Variants in OR3A2 observed in about 807,000 individuals in gnomAD.
OR3A2 encodes olfactory receptor 3A2.
For missense variants in OR3A2, 318 were observed against 392.8 expected (o/e 0.81, Z 1.61); for synonymous variants, 126 against 159.3 (o/e 0.79, Z 1.57).
chr17:3,316,700 C>A (rs9902609), intron 3 of OR3A2, among the ~76,000 whole-genome samples: 22,984 of 152,056 alleles, frequency 0.15, 2,284 homozygotes, highest in African/African-American at 0.28. Flanking sequence ...ATGACAGATT[C>A]GGTGACTTGC....
At chr17:3,308,072 A>T (rs1407714906) in intron 3 of OR3A2, among the ~76,000 whole-genome samples, 2 of 152,220 alleles carry the variant, frequency 1.3e-5, no homozygotes, top group Non-Finnish European at 2.9e-5. Context: ...TTGTTAAATA[A>T]ATGAATGAAT....
chr17:3,364,648 T>C (rs1333153025), intron 2 of OR3A2, among the ~76,000 whole-genome samples: 1 of 152,226 alleles, frequency 6.6e-6, no homozygotes, highest in Non-Finnish European at 1.5e-5. Flanking sequence ...GGAACCCTTG[T>C]ATGCTATTGG....
chr17:3,349,686 T>C (rs1193660731), intron 2 of OR3A2, among the ~76,000 whole-genome samples: 1 of 151,276 alleles, frequency 6.6e-6, no homozygotes, highest in Non-Finnish European at 1.5e-5. Flanking sequence ...GCAGACCTAA[T>C]AGACATCTAC....
chr17:3,367,498 TA>T (rs1249928682), intron 2 of OR3A2, among the ~76,000 whole-genome samples: 1 of 151,624 alleles, frequency 6.6e-6, no homozygotes, highest in Non-Finnish European at 1.5e-5. Flanking sequence ...TCACTTAGAA[TA>T]ATGCTCTCCA....
chr17:3,349,759 C>A (rs954788508), intron 2 of OR3A2, among the ~76,000 whole-genome samples: 16 of 151,298 alleles, frequency 1.1e-4, no homozygotes, highest in Non-Finnish European at 1.8e-4. Flanking sequence ...ACACCTATTC[C>A]AAAATTGACC....
At chr17:3,351,397 CAGAG>C (rs2049418674) in intron 2 of OR3A2, among the ~76,000 whole-genome samples, 1 of 67,590 alleles carries the variant, frequency 1.5e-5, no homozygotes. Flanking sequence ...AACAGACAAA[CAGAG>C]AGCCAAATCA....
chr17:3,326,203 G>C (rs964757440), intron 3 of OR3A2, among the ~76,000 whole-genome samples: 1 of 152,060 alleles, frequency 6.6e-6, no homozygotes, highest in Non-Finnish European at 1.5e-5. Flanking sequence ...ATGGGCATCT[G>C]GGTTGATTCC....
intron 3 of OR3A2, among the ~76,000 whole-genome samples, chr17:3,334,851 G>A (rs1313089537): frequency 1.3e-5 from 2 of 152,104 alleles, no homozygotes; most frequent in Non-Finnish European, 2.9e-5. Flanking sequence ...TTCTAAATAT[G>A]TAGTAAGTTT....
intron 1 of OR3A2, among the ~76,000 whole-genome samples, chr17:3,281,303 G>A (rs996385413): frequency 1.3e-5 from 2 of 148,766 alleles, no homozygotes; most frequent in Admixed American, 1.4e-4. Context: ...GCACGATCTC[G>A]GCTCACTGCA....
At chr17:3,345,135 G>T (rs1011571292) in intron 2 of OR3A2, among the ~76,000 whole-genome samples, 2 of 152,146 alleles carry the variant, frequency 1.3e-5, no homozygotes, top group Non-Finnish European at 2.9e-5. Context: ...AAGGTACCAC[G>T]ATGCTGATGT....
At chr17:3,383,813 T>A (rs1455287693) in exon 2 of OR3A2, 1 of 152,166 alleles carries the variant, frequency 6.6e-6, no homozygotes, top group Non-Finnish European at 1.5e-5. Context: ...CCTTAGGAAG[T>A]TGACAGCAGT....
intron 2 of OR3A2, among the ~76,000 whole-genome samples, chr17:3,362,859 C>T (rs2049529905): frequency 6.6e-6 from 1 of 151,814 alleles, no homozygotes. Flanking sequence ...TGTGCACCCA[C>T]AGGCCCAACA....
chr17:3,277,973 G>A (rs1049424638), exon 2 of OR3A2: 1 of 1,595,878 alleles, frequency 6.3e-7, no homozygotes, highest in Non-Finnish European at 8.6e-7. Context: ...TTACCTCTCA[G>A]GTCAGTGATC....
At chr17:3,303,144 A>G (rs2048977586) in intron 3 of OR3A2, among the ~76,000 whole-genome samples, 1 of 152,178 alleles carries the variant, frequency 6.6e-6, no homozygotes, top group South Asian at 2.1e-4. Context: ...ATGATATTAT[A>G]TGTCTTTCTC....
At chr17:3,380,306 C>T (rs1305334045) in intron 2 of OR3A2, among the ~76,000 whole-genome samples, 3 of 152,200 alleles carry the variant, frequency 2.0e-5, no homozygotes, top group African/African-American at 7.2e-5. Flanking sequence ...ACGTGTGGCA[C>T]GCAGCACAGG....
At chr17:3,317,217 G>A (rs951696056) in intron 3 of OR3A2, among the ~76,000 whole-genome samples, 6 of 150,476 alleles carry the variant, frequency 4.0e-5, no homozygotes, top group Non-Finnish European at 5.9e-5. Flanking sequence ...AGACGTGAAG[G>A]CCTGAGAAGT....
chr17:3,291,888 C>T lies in OR3A2; in HGVS notation c.-84-12735G>A, dbSNP rs368453639. ...GGCTTTCTTCCTGCCCTCTACAGAGCGAATTCGCAGGACTGCAGCTGCCAC... is the reference window on the plus strand; with the variant it reads ...GGCTTTCTTCCTGCCCTCTACAGAGTGAATTCGCAGGACTGCAGCTGCCAC... On this transcript the variant is annotated intron_variant, in intron 3 of 4. Transcript: ENST00000573491. 1.8e-5 allele frequency: 29 copies of T among 1,614,060 alleles called. No homozygotes were observed. Among genetic ancestry groups the T allele is most frequent in the East Asian group, 4.5e-5 (2 of 44,894 alleles).
chr17:3,324,330 T>G (rs980219662), intron 3 of OR3A2, among the ~76,000 whole-genome samples: 2 of 152,094 alleles, frequency 1.3e-5, no homozygotes, highest in African/African-American at 4.8e-5. Flanking sequence ...TGGAGTAATT[T>G]GATCGTCTGA....
Position 3,371,272 on chromosome 17 carries a change from G to A in OR3A2, c.-179+12532C>T, listed in dbSNP as rs559137061. Reference sequence around the variant, plus strand: ...TGACCTCCTCACCTCCCTCCCGGACGGGGCGGCTGGCCGGGCAGAGGGGCT... The same window carrying A: ...TGACCTCCTCACCTCCCTCCCGGACAGGGCGGCTGGCCGGGCAGAGGGGCT... On this transcript the variant is annotated intron_variant, in intron 2 of 4. Transcript: ENST00000573491. Among the ~76,000 whole-genome samples the A allele has an allele frequency of 1.5e-3, 226 of 150,796 alleles. 4 individuals carry two copies. The East Asian group carries it at 0.025, about 17-fold the overall frequency.
Sources: gnomAD v4.1 joint callset for allele counts (sites outside exome capture counted in the v4.1 genomes callset) on GRCh38, gnomAD v4.1.1 for gene constraint, MANE v1.5 for transcripts, NCBI Gene and HGNC (gene_info 2026-07-23, HGNC 2026-07-21) for gene names.